The following PTPRD variants were observed in gnomAD, a reference collection of about 807,000 sequenced individuals.
The protein encoded by PTPRD is receptor-type tyrosine-protein phosphatase delta.
PTPRD carries 34 observed loss-of-function variants against 214.5 expected under a neutral mutation model. That is an observed-to-expected ratio of 0.16 (90% CI 0.12 to 0.21). The LOEUF is 0.21. PTPRD is among the 10% of genes least tolerant of loss of function. The pLI, the probability that PTPRD is intolerant of heterozygous loss-of-function variation, is 1.00. For missense variants in PTPRD, 2,545 were observed against 2,398.7 expected, an observed-to-expected ratio of 1.06 and a Z score of -1.27; for synonymous variants, 1,128 against 845.7, an observed-to-expected ratio of 1.33 and a Z score of -5.79.
At chr9:8,631,273 G>C (rs1390366915) in intron 14 of PTPRD, among the ~76,000 whole-genome samples, 2 of 151,232 alleles carry the variant, frequency 1.3e-5, no homozygotes, top group Non-Finnish European at 3.0e-5. Context: ...TCTTATTCTT[G>C]CCTATTAGAC....
chr9:9,925,016 G>A (rs1191137860), intron 5 of PTPRD, among the ~76,000 whole-genome samples: 1 of 152,044 alleles, frequency 6.6e-6, no homozygotes, highest in African/African-American at 2.4e-5. Flanking sequence ...TCAATACCGA[G>A]TAGCAATACC....
chr9:8,564,126 C>T (rs919493049), intron 14 of PTPRD, among the ~76,000 whole-genome samples: 15 of 150,658 alleles, frequency 1.0e-4, no homozygotes, highest in African/African-American at 3.7e-4. Flanking sequence ...TGCCAGTCAG[C>T]CACATGATCT....
chr9:10,591,604 G>T (rs1023390493), intron 2 of PTPRD, among the ~76,000 whole-genome samples: 1 of 151,924 alleles, frequency 6.6e-6, no homozygotes, highest in African/African-American at 2.4e-5. Context: ...CAGAAAACGA[G>T]GTCACACCTT....
At chr9:8,777,788 A>C (rs1366961912) in intron 11 of PTPRD, among the ~76,000 whole-genome samples, 1 of 152,206 alleles carries the variant, frequency 6.6e-6, no homozygotes, top group African/African-American at 2.4e-5. Context: ...TGTACCAAAG[A>C]TATGATCCTA....
At chr9:10,583,627 C>T (rs2072854041) in intron 2 of PTPRD, among the ~76,000 whole-genome samples, 3 of 151,834 alleles carry the variant, frequency 2.0e-5, no homozygotes, top group Non-Finnish European at 4.4e-5. Context: ...TACAGGCACC[C>T]GCCACCACGC....
intron 30 of PTPRD, among the ~76,000 whole-genome samples, chr9:8,480,530 C>G (rs745484517): frequency 4.6e-5 from 7 of 152,256 alleles, no homozygotes; most frequent in Admixed American, 1.3e-4. Flanking sequence ...TACTGAATCC[C>G]TGAAACATTA....
rs541956559 is a variant in PTPRD at position 10,593,126 on chromosome 9, G to A, written c.-600+19272C>T. ...GACACAGTAGAATATAATACAATGTGGCACTTTGAAAAGTGGAGCAAATAA... is the reference window on the plus strand; with the variant it reads ...GACACAGTAGAATATAATACAATGTAGCACTTTGAAAAGTGGAGCAAATAA... On this transcript the variant is annotated intron_variant, in intron 2 of 45. Transcript: ENST00000381196. Among the ~76,000 whole-genome samples the A allele has an allele frequency of 4.6e-5, 7 of 152,042 alleles. No individual in the cohort carries two copies. In the South Asian group the frequency reaches 8.3e-4, roughly 18 times the overall value.
At chr9:8,888,690 A>G (rs2098511916) in intron 11 of PTPRD, among the ~76,000 whole-genome samples, 1 of 152,222 alleles carries the variant, frequency 6.6e-6, no homozygotes, top group Non-Finnish European at 1.5e-5. Flanking sequence ...GCCATAAAAT[A>G]TCACCTCAGA....
At chr9:9,753,301 C>T (rs2098539555) in intron 6 of PTPRD, among the ~76,000 whole-genome samples, 1 of 150,848 alleles carries the variant, frequency 6.6e-6, no homozygotes. Flanking sequence ...CACTCAATAA[C>T]ACCAATACAG....
At chr9:9,848,838 T>C (rs912548711) in intron 5 of PTPRD, among the ~76,000 whole-genome samples, 9 of 152,140 alleles carry the variant, frequency 5.9e-5, no homozygotes, top group African/African-American at 2.2e-4. Flanking sequence ...ATCTTCAAGA[T>C]GCCTAAGTAT....
intron 8 of PTPRD, among the ~76,000 whole-genome samples, chr9:9,403,417 CTCTT>C (rs2071777226): frequency 1.5e-5 from 1 of 67,452 alleles, no homozygotes; most frequent in South Asian, 5.3e-4. Flanking sequence ...TTTTCTCTCT[CTCTT>C]TCTCTCTCTC....
At chr9:9,100,636 C>T (rs935936209) in intron 10 of PTPRD, among the ~76,000 whole-genome samples, 36 of 152,076 alleles carry the variant, frequency 2.4e-4, no homozygotes, top group Non-Finnish European at 1.2e-4. Context: ...ATGACACAAA[C>T]AGATGTAAGC....
chr9:10,379,413 T>C (rs1176333475), intron 2 of PTPRD, among the ~76,000 whole-genome samples: 2 of 152,082 alleles, frequency 1.3e-5, no homozygotes, highest in Non-Finnish European at 2.9e-5. Flanking sequence ...TGAGTAACAA[T>C]GGTAAAAGTT....
intron 9 of PTPRD, among the ~76,000 whole-genome samples, chr9:9,360,122 G>A (rs894865791): frequency 1.3e-5 from 2 of 151,102 alleles, no homozygotes; most frequent in South Asian, 4.2e-4. Flanking sequence ...TAAGTACAAT[G>A]TGTTTAGATT....
chr9:8,856,930 T>A (rs916071545), intron 11 of PTPRD, among the ~76,000 whole-genome samples: 3 of 152,220 alleles, frequency 2.0e-5, no homozygotes, highest in African/African-American at 7.2e-5. Flanking sequence ...ACAATAAATC[T>A]ATGGGAAAGC....
At chr9:8,928,049 G>C (rs535108039) in intron 11 of PTPRD, among the ~76,000 whole-genome samples, 1 of 151,932 alleles carries the variant, frequency 6.6e-6, no homozygotes, top group Non-Finnish European at 1.5e-5. Flanking sequence ...TTTTTGATGA[G>C]GTTGTCTTTT....
At chr9:10,253,705 A>G (rs2092995587) in intron 3 of PTPRD, among the ~76,000 whole-genome samples, 1 of 152,240 alleles carries the variant, frequency 6.6e-6, no homozygotes. Context: ...CCCATTCTAT[A>G]AAGAGAAGTT....
In PTPRD at chr9:8,344,023, G is replaced by T. The variant is rs73410553; in HGVS notation, c.4662-2045C>A. ...ATCACTTTAAGTAGTCTCTTTGCTG[G>T]TCTCCTGATATGCCATCAGATTGCA... On this transcript the variant is annotated intron_variant, in intron 39 of 45. Transcript: ENST00000381196. 2.8e-3 allele frequency among the ~76,000 whole-genome samples: 433 copies of T among 152,080 alleles called. 2 individuals are homozygous for T. Among genetic ancestry groups the T allele is most frequent in the African/African-American group, 9.6e-3 (398 of 41,490 alleles).
intron 9 of PTPRD, among the ~76,000 whole-genome samples, chr9:9,266,175 A>T (rs1472827351): frequency 6.6e-6 from 1 of 151,526 alleles, no homozygotes. Context: ...GGGTCAAATC[A>T]TCAAAAGGAT....
Sources: allele counts gnomAD v4.1 joint callset (sites outside exome capture counted in the v4.1 genomes callset), GRCh38; gene constraint gnomAD v4.1.1; transcripts MANE v1.5; gene names NCBI Gene and HGNC (gene_info 2026-07-23, HGNC 2026-07-21).